Variants in TBC1D22A observed in about 807,000 individuals in gnomAD.
The protein encoded by TBC1D22A is putative GTPase activator.
In TBC1D22A, 38 loss-of-function variants were observed where a neutral mutation model predicts 60.2. The ratio of observed to expected loss-of-function variants is 0.63; its 90% CI spans 0.49 to 0.83. The LOEUF is 0.83. Ranked by LOEUF, TBC1D22A falls within the 40% of genes least tolerant of loss-of-function variation. TBC1D22A has a pLI of 0.00. For missense variants in TBC1D22A, 628 were observed against 701.0 expected, an observed-to-expected ratio of 0.90 and a Z score of 1.18; for synonymous variants, 302 against 281.7, an observed-to-expected ratio of 1.07 and a Z score of -0.72.
chr22:46,959,814 A>G (rs2073399720), intron 8 of TBC1D22A, among the ~76,000 whole-genome samples: 1 of 151,644 alleles, frequency 6.6e-6, no homozygotes, highest in Non-Finnish European at 1.5e-5. Context: ...GCTTTTCCAG[A>G]CTCCACGTTT....
chr22:46,898,620 C>G (rs2068814372), intron 7 of TBC1D22A, among the ~76,000 whole-genome samples: 1 of 151,892 alleles, frequency 6.6e-6, no homozygotes, highest in Non-Finnish European at 1.5e-5. Flanking sequence ...AACCTAGACA[C>G]AATGGGGCAG....
intron 4 of TBC1D22A, among the ~76,000 whole-genome samples, chr22:46,872,258 A>G (rs1051366918): frequency 2.8e-4 from 42 of 152,318 alleles, no homozygotes; most frequent in African/African-American, 8.4e-4. Context: ...AATAATAGCA[A>G]TCTTCCAGGA....
chr22:47,095,659 C>T (rs746057820), intron 11 of TBC1D22A, among the ~76,000 whole-genome samples: 11 of 152,252 alleles, frequency 7.2e-5, no homozygotes, highest in South Asian at 4.1e-4. Flanking sequence ...AGGAGCAGCT[C>T]GGCTCTGTCC....
chr22:47,004,180 G>A (rs866039835), intron 10 of TBC1D22A, among the ~76,000 whole-genome samples: 8 of 135,608 alleles, frequency 5.9e-5, no homozygotes, highest in Middle Eastern at 5.0e-3. Context: ...CTGCACACAT[G>A]CCTATATATA....
intron 12 of TBC1D22A, among the ~76,000 whole-genome samples, chr22:47,172,041 A>AGT (rs2068493228): frequency 1.1e-5 from 1 of 92,486 alleles, no homozygotes; most frequent in East Asian, 1.4e-3. Flanking sequence ...GAGCCTACCC[A>AGT]GCACTCCCAG....
chr22:46,939,255 A>C (rs1221188589), intron 8 of TBC1D22A, among the ~76,000 whole-genome samples: 1 of 152,222 alleles, frequency 6.6e-6, no homozygotes, highest in Non-Finnish European at 1.5e-5. Context: ...ATGATGGTGA[A>C]ATTGATCATA....
At chr22:46,963,664 G>A (rs1226574431) in intron 8 of TBC1D22A, among the ~76,000 whole-genome samples, 3 of 152,224 alleles carry the variant, frequency 2.0e-5, no homozygotes, top group East Asian at 3.8e-4. Flanking sequence ...CATAAGGTGG[G>A]ATCCTTCTCC....
intron 8 of TBC1D22A, among the ~76,000 whole-genome samples, chr22:46,924,127 G>A (rs961747448): frequency 6.6e-6 from 1 of 152,338 alleles, no homozygotes; most frequent in Middle Eastern, 3.4e-3. Context: ...AAACAAAGAA[G>A]TATTTGCCCC....
At chr22:46,855,056 C>A (rs1180916123) in intron 4 of TBC1D22A, among the ~76,000 whole-genome samples, 1 of 152,174 alleles carries the variant, frequency 6.6e-6, no homozygotes, top group African/African-American at 2.4e-5. Context: ...TCTTTCCACC[C>A]ATTTTCTATG....
At chr22:47,159,538 A>G (rs922714359) in intron 12 of TBC1D22A, among the ~76,000 whole-genome samples, 16 of 151,478 alleles carry the variant, frequency 1.1e-4, no homozygotes, top group Non-Finnish European at 1.8e-4. Context: ...CAGCACACAC[A>G]CGATGTATAC....
intron 11 of TBC1D22A, among the ~76,000 whole-genome samples, chr22:47,044,902 C>T (rs2062979306): frequency 1.3e-5 from 2 of 152,224 alleles, no homozygotes. Context: ...CTCGAGAACT[C>T]TACAGGAGAT....
chr22:46,768,588 TGTTGCTTTCCGCA>T (rs2083378790), intron 1 of TBC1D22A, among the ~76,000 whole-genome samples: 1 of 151,940 alleles, frequency 6.6e-6, no homozygotes, highest in South Asian at 2.1e-4. Context: ...CCCGAAGGGC[TGTTGCTTTCCGCA>T]GTTGCAGTTG....
chr22:47,050,478 A>C (rs1838548142), intron 11 of TBC1D22A, among the ~76,000 whole-genome samples: 1 of 152,176 alleles, frequency 6.6e-6, no homozygotes, highest in Admixed American at 6.5e-5. Flanking sequence ...TCTGTTTTTT[A>C]GGTAACCTTT....
intron 12 of TBC1D22A, among the ~76,000 whole-genome samples, chr22:47,168,782 G>T (rs188943782): frequency 1.7e-4 from 26 of 151,932 alleles, no homozygotes; most frequent in African/African-American, 6.3e-4. Flanking sequence ...GGGGAGGTCA[G>T]TGTCCTCCAC....
chr22:46,883,615 A>C (rs528219912), intron 5 of TBC1D22A, among the ~76,000 whole-genome samples: 105 of 152,272 alleles, frequency 6.9e-4, no homozygotes, highest in African/African-American at 2.5e-3. Context: ...CCCTCTTGCA[A>C]GTTCACTATG....
At chr22:47,136,158 C>T (rs1045649013) in intron 12 of TBC1D22A, among the ~76,000 whole-genome samples, 6 of 152,232 alleles carry the variant, frequency 3.9e-5, no homozygotes, top group African/African-American at 1.2e-4. Flanking sequence ...AGGCTCCCTC[C>T]ACCACGTCCC....
intron 11 of TBC1D22A, among the ~76,000 whole-genome samples, chr22:47,090,140 G>C (rs1326004778): frequency 6.6e-6 from 1 of 152,228 alleles, no homozygotes; most frequent in Admixed American, 6.5e-5. Context: ...CCCCAGCAAA[G>C]TGGTTCTCCA....
intron 2 of TBC1D22A, among the ~76,000 whole-genome samples, chr22:46,792,957 C>CA: frequency 6.6e-6 from 1 of 152,392 alleles, no homozygotes; most frequent in African/African-American, 2.4e-5. Context: ...CTGGCCCCTC[C>CA]ACAGCAGGCG....
intron 4 of TBC1D22A, among the ~76,000 whole-genome samples, chr22:46,819,607 A>C (rs767269854): frequency 1.2e-4 from 19 of 152,192 alleles, no homozygotes; most frequent in Non-Finnish European, 2.4e-4. Flanking sequence ...ATGGTGGATA[A>C]GCTTTTTGAT....
Sources: allele counts gnomAD v4.1 joint callset (sites outside exome capture counted in the v4.1 genomes callset), GRCh38; gene constraint gnomAD v4.1.1; transcripts MANE v1.5; gene names NCBI Gene and HGNC (gene_info 2026-07-23, HGNC 2026-07-21).